CLSTN2: variants seen among roughly 807,000 people sequenced by gnomAD.
CLSTN2 encodes the protein calsyntenin 2.
In CLSTN2, 48 loss-of-function variants were observed where a neutral mutation model predicts 101.2. The observed-to-expected ratio is 0.47, with a 90% CI of 0.38 to 0.60. The LOEUF (loss-of-function observed/expected upper bound fraction) is 0.60. Among genes scored for constraint, CLSTN2 ranks in the 20% least tolerant of loss-of-function variants. CLSTN2 has a pLI of 0.00. For synonymous variants in CLSTN2, 481 were observed against 463.6 expected (o/e 1.04, Z -0.48); for missense variants, 1,160 against 1,238.2 (o/e 0.94, Z 0.95).
chr3:140,188,538 C>A (rs2010514038), intron 2 of CLSTN2, among the ~76,000 whole-genome samples: 1 of 152,052 alleles, frequency 6.6e-6, no homozygotes, highest in East Asian at 1.9e-4. Flanking sequence ...GGTGTGCTTC[C>A]CAGATCACCA....
At chr3:140,123,262 A>G (rs2009374461) in intron 1 of CLSTN2, among the ~76,000 whole-genome samples, 1 of 151,852 alleles carries the variant, frequency 6.6e-6, no homozygotes, top group African/African-American at 2.4e-5. Context: ...GTCCTTTTAT[A>G]AGGCATTAAT....
chr3:140,132,650 A>G (rs144778330), intron 1 of CLSTN2, among the ~76,000 whole-genome samples: 75 of 152,350 alleles, frequency 4.9e-4, no homozygotes, highest in African/African-American at 1.7e-3. Context: ...CTAGCACAAA[A>G]TAGGTGCTCT....
At chr3:140,012,192 A>G (rs569919298) in intron 1 of CLSTN2, among the ~76,000 whole-genome samples, 2 of 152,128 alleles carry the variant, frequency 1.3e-5, no homozygotes, top group East Asian at 3.9e-4. Flanking sequence ...CTCAAAAAGC[A>G]CTTGCAAGGA....
At chr3:139,954,623 A>C (rs914960911) in intron 1 of CLSTN2, among the ~76,000 whole-genome samples, 1 of 151,992 alleles carries the variant, frequency 6.6e-6, no homozygotes. Context: ...AACATCTGGC[A>C]CCTCTGATCA....
intron 6 of CLSTN2, among the ~76,000 whole-genome samples, chr3:140,458,734 G>A (rs1933479472): frequency 6.6e-6 from 1 of 152,214 alleles, no homozygotes; most frequent in Non-Finnish European, 1.5e-5. Context: ...CTAACACTGA[G>A]TGAACCTTCG....
intron 8 of CLSTN2, among the ~76,000 whole-genome samples, chr3:140,520,656 C>T (rs1935004666): frequency 6.6e-6 from 1 of 152,192 alleles, no homozygotes; most frequent in African/African-American, 2.4e-5. Context: ...GGGTTGATCT[C>T]ATGGAGTATC....
At chr3:140,383,649 C>G (rs1419525925) in intron 2 of CLSTN2, among the ~76,000 whole-genome samples, 1 of 152,124 alleles carries the variant, frequency 6.6e-6, no homozygotes, top group Non-Finnish European at 1.5e-5. Context: ...ATTAAATTAT[C>G]CTGGGCCTTC....
chr3:140,262,025 GT>G (rs2086658340), intron 2 of CLSTN2, among the ~76,000 whole-genome samples: 3 of 152,116 alleles, frequency 2.0e-5, no homozygotes, highest in Non-Finnish European at 2.9e-5. Flanking sequence ...AGATTTTAGA[GT>G]TGTCCTGTCC....
intron 1 of CLSTN2, among the ~76,000 whole-genome samples, chr3:140,016,823 C>CA (rs1005478161): frequency 1.4e-4 from 16 of 114,830 alleles, no homozygotes; most frequent in Non-Finnish European, 5.7e-5. Flanking sequence ...AAGAAACAAA[C>CA]AAAAAAACCT....
chr3:139,968,996 G>A (rs1017751536), intron 1 of CLSTN2, among the ~76,000 whole-genome samples: 5 of 152,092 alleles, frequency 3.3e-5, no homozygotes, highest in Admixed American at 6.5e-5. Context: ...GAAAAGTAAA[G>A]AGAACATGCA....
intron 4 of CLSTN2, among the ~76,000 whole-genome samples, chr3:140,415,440 A>G (rs2088418285): frequency 6.6e-6 from 1 of 151,046 alleles, no homozygotes; most frequent in Admixed American, 6.6e-5. Context: ...CATATATGCA[A>G]TAAAGTTATC....
At chr3:139,964,130 G>A (rs1046468441) in intron 1 of CLSTN2, among the ~76,000 whole-genome samples, 1 of 152,190 alleles carries the variant, frequency 6.6e-6, no homozygotes, top group African/African-American at 2.4e-5. Flanking sequence ...TTCCTAAAAT[G>A]TAATTAGTAT....
chr3:139,964,202 A>G (rs1465466360), intron 1 of CLSTN2, among the ~76,000 whole-genome samples: 1 of 152,192 alleles, frequency 6.6e-6, no homozygotes, highest in Non-Finnish European at 1.5e-5. Flanking sequence ...CGATATCAGC[A>G]GCCGTACTCT....
intron 8 of CLSTN2, among the ~76,000 whole-genome samples, chr3:140,528,218 GC>G (rs1171155957): frequency 6.6e-6 from 1 of 152,122 alleles, no homozygotes; most frequent in East Asian, 1.9e-4. Context: ...ATACTGAAAA[GC>G]ATGTTCCAAG....
intron 1 of CLSTN2, among the ~76,000 whole-genome samples, chr3:140,096,174 A>G (rs2008865658): frequency 6.6e-6 from 1 of 151,950 alleles, no homozygotes; most frequent in African/African-American, 2.4e-5. Flanking sequence ...TGATCCTGAA[A>G]TCTCATTTTC....
chr3:140,289,880 A>T (rs544943691), intron 2 of CLSTN2, among the ~76,000 whole-genome samples: 13 of 151,728 alleles, frequency 8.6e-5, no homozygotes, highest in Admixed American at 1.3e-4. Flanking sequence ...AAGGATTCTC[A>T]TGTATGTTAA....
intron 2 of CLSTN2, among the ~76,000 whole-genome samples, chr3:140,375,055 A>G (rs2087901793): frequency 1.3e-5 from 2 of 152,242 alleles, no homozygotes; most frequent in Non-Finnish European, 2.9e-5. Context: ...CCTGGACTCT[A>G]TAATGATATG....
At chr3:140,509,962 T>C (rs1040210878) in intron 8 of CLSTN2, among the ~76,000 whole-genome samples, 1 of 152,294 alleles carries the variant, frequency 6.6e-6, no homozygotes, top group Middle Eastern at 3.4e-3. Flanking sequence ...TACCATAAAT[T>C]AAAAATGTAT....
intron 2 of CLSTN2, among the ~76,000 whole-genome samples, chr3:140,350,415 G>C (rs2087593030): frequency 6.6e-6 from 1 of 152,216 alleles, no homozygotes; most frequent in Admixed American, 6.5e-5. Context: ...AAAAGTCAAA[G>C]AGTGAGGAAT....
Sources: allele counts gnomAD v4.1 joint callset (sites outside exome capture counted in the v4.1 genomes callset), GRCh38; gene constraint gnomAD v4.1.1; transcripts MANE v1.5; gene names NCBI Gene and HGNC (gene_info 2026-07-23, HGNC 2026-07-21).